ADGRL3: variants seen among roughly 807,000 people sequenced by gnomAD.
ADGRL3 encodes the protein calcium-independent alpha-latrotoxin receptor 3.
ADGRL3 carries 62 observed loss-of-function variants against 153.5 expected under a neutral mutation model. The ratio of observed to expected loss-of-function variants is 0.40; its 90% CI spans 0.33 to 0.50. ADGRL3 has a LOEUF of 0.50. Ranked by LOEUF, ADGRL3 falls within the 20% of genes least tolerant of loss-of-function variation. The pLI, the probability that ADGRL3 is intolerant of heterozygous loss-of-function variation, is 0.47. For missense variants in ADGRL3, 1,641 were observed against 1,859.4 expected (o/e 0.88, Z 2.16); for synonymous variants, 710 against 672.5 (o/e 1.06, Z -0.86).
At position 61,419,280 on chromosome 4, in the gene ADGRL3, A is replaced by T. The variant is rs112279851; in HGVS notation, c.-174+36091A>T. On this transcript the variant is annotated intron_variant, in intron 2 of 26. Transcript: ENST00000683033. ...TCACAAAAACATCACCAATTTCTAA[A>T]TAAAGACCAAAATACTTCTAATATT... 2.3e-4 allele frequency among the ~76,000 whole-genome samples: 34 copies of T among 151,026 alleles called. 2 individuals are homozygous for T. Among genetic ancestry groups the T allele is most frequent in the African/African-American group, 7.8e-4 (32 of 40,806 alleles).
At chr4:61,759,442 G>C (rs920960089) in intron 8 of ADGRL3, among the ~76,000 whole-genome samples, 2 of 151,912 alleles carry the variant, frequency 1.3e-5, no homozygotes, top group Non-Finnish European at 2.9e-5. Flanking sequence ...TCACTGATAC[G>C]CTTTCTTCCA....
intron 17 of ADGRL3, among the ~76,000 whole-genome samples, chr4:61,963,410 C>T (rs2098995469): frequency 6.6e-6 from 1 of 151,926 alleles, no homozygotes; most frequent in Non-Finnish European, 1.5e-5. Context: ...TCCTCACCCC[C>T]TCCCACCCTC....
At chr4:61,474,864 A>G (rs2098024013) in intron 2 of ADGRL3, among the ~76,000 whole-genome samples, 1 of 152,158 alleles carries the variant, frequency 6.6e-6, no homozygotes, top group South Asian at 2.1e-4. Context: ...TCTTCCAAAG[A>G]TAAATCATTT....
rs547821070 is a variant in ADGRL3 at position 61,876,881 on chromosome 4, A to G, written c.1481-15775A>G. ...GGAGTAGCCATTATTTTATTCCTTTACTTTCTCAATAAACTTGCTTTCACT... is the reference window on the plus strand; with the variant it reads ...GGAGTAGCCATTATTTTATTCCTTTGCTTTCTCAATAAACTTGCTTTCACT... On this transcript the variant is annotated intron_variant, in intron 9 of 26. Transcript: ENST00000683033. Among the ~76,000 whole-genome samples the G allele has an allele frequency of 5.4e-5, 8 of 148,212 alleles. No homozygotes were observed. In the East Asian group the frequency reaches 1.0e-3, roughly 19 times the overall value.
At chr4:61,339,402 A>G (rs2095755780) in intron 1 of ADGRL3, among the ~76,000 whole-genome samples, 1 of 152,190 alleles carries the variant, frequency 6.6e-6, no homozygotes, top group African/African-American at 2.4e-5. Flanking sequence ...GAGATCTTAG[A>G]CATTTTAAGT....
chr4:61,287,845 G>C (rs2094002321), intron 1 of ADGRL3, among the ~76,000 whole-genome samples: 1 of 151,950 alleles, frequency 6.6e-6, no homozygotes, highest in African/African-American at 2.4e-5. Flanking sequence ...TCGGGGTACT[G>C]TTTGGAAAAC....
In ADGRL3 at chr4:61,903,072, C is replaced by CA. The variant is rs1441740315; in HGVS notation, c.1888-6487dup. Among the ~76,000 whole-genome samples, 3 of 152,266 alleles carry CA rather than the reference C, an allele frequency of 2.0e-5. No homozygotes were observed. In the South Asian group the frequency reaches 6.2e-4, roughly 32 times the overall value. On this transcript the variant is annotated intron_variant, in intron 11 of 26. Coordinates refer to ENST00000683033, the MANE Select transcript of ADGRL3 (RefSeq NM_001387552.1). ...GCGGATGGAGATAGCTAGACACAAA[C>CA]ACATGGATATGCAGGTAGCAATATT...
intron 2 of ADGRL3, among the ~76,000 whole-genome samples, chr4:61,463,400 G>A (rs1468522887): frequency 6.6e-6 from 1 of 152,100 alleles, no homozygotes; most frequent in Non-Finnish European, 1.5e-5. Flanking sequence ...ACATGGCAAA[G>A]CAGCAGAGAC....
At chr4:61,907,077 G>A (rs2098699233) in intron 11 of ADGRL3, among the ~76,000 whole-genome samples, 1 of 151,950 alleles carries the variant, frequency 6.6e-6, no homozygotes, top group African/African-American at 2.4e-5. Context: ...TACAGGAAAG[G>A]GGTTCAGATC....
At chr4:61,365,314 A>T (rs1406529441) in intron 1 of ADGRL3, among the ~76,000 whole-genome samples, 1 of 152,224 alleles carries the variant, frequency 6.6e-6, no homozygotes, top group Non-Finnish European at 1.5e-5. Flanking sequence ...TAAAACATAT[A>T]ATGTAATTTT....
intron 2 of ADGRL3, among the ~76,000 whole-genome samples, chr4:61,417,154 A>G (rs2097152860): frequency 6.6e-6 from 1 of 152,136 alleles, no homozygotes; most frequent in Non-Finnish European, 1.5e-5. Flanking sequence ...CTAACAGGCC[A>G]TGGGCCAGTA....
chr4:61,439,237 T>A (rs1015500242), intron 2 of ADGRL3, among the ~76,000 whole-genome samples: 1 of 152,220 alleles, frequency 6.6e-6, no homozygotes, highest in Admixed American at 6.5e-5. Flanking sequence ...TCTGTGAATC[T>A]ATCTGAGATT....
intron 1 of ADGRL3, among the ~76,000 whole-genome samples, chr4:61,284,274 A>G (rs1487113071): frequency 6.6e-6 from 1 of 151,918 alleles, no homozygotes; most frequent in African/African-American, 2.4e-5. Flanking sequence ...GTAGCAGCTC[A>G]CCATCAGATT....
chr4:61,555,936 C>T (rs1056748486), intron 4 of ADGRL3, among the ~76,000 whole-genome samples: 10 of 152,086 alleles, frequency 6.6e-5, no homozygotes, highest in Non-Finnish European at 1.3e-4. Flanking sequence ...AGGATTTAGC[C>T]GGCTTCTTTA....
intron 3 of ADGRL3, among the ~76,000 whole-genome samples, chr4:61,511,642 A>G (rs547401803): frequency 7.7e-4 from 117 of 151,916 alleles, no homozygotes; most frequent in East Asian, 3.9e-3. Flanking sequence ...TCTTGCCCAC[A>G]TCAGGCATAC....
In ADGRL3 at chr4:61,497,333, G is replaced by A. The variant is rs1401708232; in HGVS notation, c.40G>A (p.Ala14Thr). 6.2e-7 allele frequency: 1 copy of A among 1,606,476 alleles called. No individual in the cohort carries two copies. Among genetic ancestry groups the A allele is most frequent in the South Asian group, 1.1e-5 (1 of 89,708 alleles). ...SQLLIFMMLLAPIIHGGKHSE... is the reference protein window; with the variant it reads ...SQLLIFMMLLTPIIHGGKHSE... ...GCTACTAATTTTCATGATGCTCTTA[G>A]CTCCAATAATTCATGGTAAGATTTT... The change falls in exon 3 of 27, where the codon GCT becomes ACT. Residue 14 changes from alanine to threonine, a missense_variant. Coordinates refer to ENST00000683033, the MANE Select transcript of ADGRL3 (RefSeq NM_001387552.1).
At chr4:61,659,103 A>G (rs1362840414) in intron 5 of ADGRL3, among the ~76,000 whole-genome samples, 1 of 152,064 alleles carries the variant, frequency 6.6e-6, no homozygotes, top group Non-Finnish European at 1.5e-5. Flanking sequence ...CTATTACCAC[A>G]TGACATTCTC....
intron 9 of ADGRL3, among the ~76,000 whole-genome samples, chr4:61,840,193 C>A (rs1433792556): frequency 6.6e-6 from 1 of 152,142 alleles, no homozygotes; most frequent in Non-Finnish European, 1.5e-5. Context: ...CATTCTCCTG[C>A]CTCTGCCTCC....
At chr4:61,326,296 C>T (rs1430602961) in intron 1 of ADGRL3, among the ~76,000 whole-genome samples, 4 of 152,064 alleles carry the variant, frequency 2.6e-5, no homozygotes, top group Non-Finnish European at 4.4e-5. Context: ...CATATATTCA[C>T]ATCCTTTCAA....
Sources: gnomAD v4.1 joint callset for allele counts (sites outside exome capture counted in the v4.1 genomes callset) on GRCh38, gnomAD v4.1.1 for gene constraint, MANE v1.5 for transcripts, NCBI Gene and HGNC (gene_info 2026-07-23, HGNC 2026-07-21) for gene names.